Variants in NALF1 observed in about 807,000 individuals in gnomAD.
The protein encoded by NALF1 is family with sequence similarity 155 member A.
NALF1 carries 3 observed loss-of-function variants against 48.4 expected under a neutral mutation model. The ratio of observed to expected loss-of-function variants is 0.06; its 90% CI spans 0.03 to 0.16. The LOEUF is 0.16. NALF1 is among the 10% of genes least tolerant of loss of function. The pLI is 1.00. For missense variants in NALF1, 526 were observed against 571.5 expected, an observed-to-expected ratio of 0.92 and a Z score of 0.81; for synonymous variants, 262 against 245.7, an observed-to-expected ratio of 1.07 and a Z score of -0.62.
At chr13:107,637,744 C>G (rs545888515) in intron 1 of NALF1, among the ~76,000 whole-genome samples, 1 of 152,202 alleles carries the variant, frequency 6.6e-6, no homozygotes, top group Non-Finnish European at 1.5e-5. Context: ...CACAAATAAT[C>G]CAATAAAGAG....
chr13:107,235,226 T>G (rs10220225), intron 1 of NALF1, among the ~76,000 whole-genome samples: 2 of 152,220 alleles, frequency 1.3e-5, no homozygotes, highest in African/African-American at 4.8e-5. Flanking sequence ...CTTCCTATTA[T>G]TCAAGTTATC....
intron 1 of NALF1, among the ~76,000 whole-genome samples, chr13:107,510,785 A>G (rs1275543632): frequency 6.6e-6 from 1 of 152,186 alleles, no homozygotes; most frequent in Non-Finnish European, 1.5e-5. Flanking sequence ...GAGCACAGAC[A>G]AAAACACAAA....
intron 1 of NALF1, among the ~76,000 whole-genome samples, chr13:107,269,816 T>C (rs1881118535): frequency 6.6e-6 from 1 of 151,874 alleles, no homozygotes. Flanking sequence ...ATGTTTCTTT[T>C]TTTTTTTTGC....
At chr13:107,703,370 T>G (rs1286390756) in intron 1 of NALF1, among the ~76,000 whole-genome samples, 1 of 150,422 alleles carries the variant, frequency 6.6e-6, no homozygotes, top group South Asian at 2.1e-4. Flanking sequence ...TTAGTTTTTT[T>G]TTTTTTTTTT....
intron 1 of NALF1, among the ~76,000 whole-genome samples, chr13:107,465,380 A>C (rs1455945684): frequency 6.6e-6 from 1 of 151,708 alleles, no homozygotes; most frequent in African/African-American, 2.4e-5. Context: ...TAAATCTTAA[A>C]GTTTATACAA....
intron 1 of NALF1, among the ~76,000 whole-genome samples, chr13:107,686,825 A>C (rs560976184): frequency 3.4e-4 from 52 of 152,310 alleles, no homozygotes; most frequent in Middle Eastern, 3.4e-3. Context: ...GCGTGGAGAA[A>C]AGGATACACT....
chr13:107,374,850 G>A (rs1459292899), intron 1 of NALF1, among the ~76,000 whole-genome samples: 1 of 152,112 alleles, frequency 6.6e-6, no homozygotes, highest in Non-Finnish European at 1.5e-5. Flanking sequence ...GATGCAGCAA[G>A]AAGGCTCTGA....
chr13:107,745,068 T>C (rs1371627862), intron 1 of NALF1, among the ~76,000 whole-genome samples: 1 of 152,180 alleles, frequency 6.6e-6, no homozygotes, highest in Admixed American at 6.5e-5. Context: ...TTAGCAAACA[T>C]GATCGAATAG....
intron 1 of NALF1, among the ~76,000 whole-genome samples, chr13:107,373,693 G>A (rs1883287746): frequency 6.6e-6 from 1 of 152,186 alleles, no homozygotes. Flanking sequence ...ATAGCCACAA[G>A]AGGGCAACAC....
At chr13:107,633,420 T>C (rs1321544110) in intron 1 of NALF1, among the ~76,000 whole-genome samples, 2 of 152,154 alleles carry the variant, frequency 1.3e-5, no homozygotes, top group Admixed American at 6.6e-5. Context: ...TCTGAGGTCA[T>C]TTCAAGCTCA....
At chr13:107,718,245 A>G (rs1447221425) in intron 1 of NALF1, among the ~76,000 whole-genome samples, 1 of 152,150 alleles carries the variant, frequency 6.6e-6, no homozygotes, top group East Asian at 1.9e-4. Flanking sequence ...CTGTCTCAGA[A>G]GCTCAGTTAT....
chr13:107,574,687 A>G (rs1295904232), intron 1 of NALF1, among the ~76,000 whole-genome samples: 2 of 152,222 alleles, frequency 1.3e-5, no homozygotes, highest in Non-Finnish European at 2.9e-5. Flanking sequence ...TCTTACAATC[A>G]TAAAAGGCTC....
chr13:107,650,688 C>T (rs1229704043), intron 1 of NALF1, among the ~76,000 whole-genome samples: 1 of 151,816 alleles, frequency 6.6e-6, no homozygotes, highest in African/African-American at 2.4e-5. Flanking sequence ...AGAACTTACT[C>T]GTGTAACCAA....
At chr13:107,802,706 G>C (rs949418836) in intron 1 of NALF1, among the ~76,000 whole-genome samples, 5 of 152,064 alleles carry the variant, frequency 3.3e-5, no homozygotes, top group Non-Finnish European at 4.4e-5. Context: ...ATGATGCTTA[G>C]TAGAGAGTAT....
At chr13:107,287,305 T>C (rs906813384) in intron 1 of NALF1, among the ~76,000 whole-genome samples, 11 of 152,326 alleles carry the variant, frequency 7.2e-5, no homozygotes, top group Admixed American at 2.0e-4. Flanking sequence ...CAATGCCACA[T>C]AGTAATCAAT....
intron 1 of NALF1, among the ~76,000 whole-genome samples, chr13:107,306,678 T>C (rs1022002352): frequency 2.0e-5 from 3 of 152,174 alleles, no homozygotes; most frequent in Admixed American, 6.5e-5. Flanking sequence ...CAAAGTACCA[T>C]GTCAGCCAGG....
chr13:107,226,251 T>G (rs1418676919), intron 1 of NALF1, among the ~76,000 whole-genome samples: 1 of 152,066 alleles, frequency 6.6e-6, no homozygotes, highest in East Asian at 1.9e-4. Flanking sequence ...AAGGAGGCGG[T>G]CAGAAAACCC....
At chr13:107,854,329 G>A (rs565102115) in intron 1 of NALF1, among the ~76,000 whole-genome samples, 6 of 152,154 alleles carry the variant, frequency 3.9e-5, no homozygotes, top group South Asian at 4.1e-4. Context: ...CTTTTTTCTC[G>A]CTATTTCACT....
intron 1 of NALF1, among the ~76,000 whole-genome samples, chr13:107,346,443 T>C (rs953826030): frequency 6.6e-6 from 1 of 152,030 alleles, no homozygotes; most frequent in African/African-American, 2.4e-5. Context: ...TATTCTGCCT[T>C]TAAAAAGGGA....
Sources: gnomAD v4.1 joint callset for allele counts (sites outside exome capture counted in the v4.1 genomes callset) on GRCh38, gnomAD v4.1.1 for gene constraint, MANE v1.5 for transcripts, NCBI Gene and HGNC (gene_info 2026-07-23, HGNC 2026-07-21) for gene names.